RPRD1B: variants seen among roughly 807,000 people sequenced by gnomAD.
RPRD1B encodes the protein regulation of nuclear pre-mRNA domain containing 1B.
Under a neutral mutation model 41.5 loss-of-function variants are expected in RPRD1B, and 11 were observed. The observed-to-expected ratio is 0.27, with a 90% CI of 0.17 to 0.44. The LOEUF (loss-of-function observed/expected upper bound fraction) is 0.44, where lower values mean the gene tolerates loss of function less well. Ranked by LOEUF, RPRD1B falls within the 20% of genes least tolerant of loss-of-function variation. The pLI, the probability that RPRD1B is intolerant of heterozygous loss-of-function variation, is 1.00. For synonymous variants in RPRD1B, 158 were observed against 155.6 expected, an observed-to-expected ratio of 1.02 and a Z score of -0.12; for missense variants, 248 against 389.9, an observed-to-expected ratio of 0.64 and a Z score of 3.06.
At chr20:38,075,852 A>G (rs55882542) in intron 6 of RPRD1B, among the ~76,000 whole-genome samples, 6,977 of 152,336 alleles carry the variant, frequency 0.046, 215 homozygotes, top group Non-Finnish European at 0.066. Flanking sequence ...GCCAGCTGTC[A>G]TGATGGCTGT....
At chr20:38,053,048 C>A (rs1453588289) in intron 3 of RPRD1B, among the ~76,000 whole-genome samples, 2 of 151,920 alleles carry the variant, frequency 1.3e-5, no homozygotes, top group African/African-American at 4.8e-5. Context: ...AGAAGGTGCC[C>A]AGTATGAGGA....
chr20:38,084,004 C>T (rs1372788617), intron 6 of RPRD1B: 1 of 152,052 alleles, frequency 6.6e-6, no homozygotes, highest in Non-Finnish European at 1.5e-5. Flanking sequence ...TATTTTCAAT[C>T]CAAATATTCA....
chr20:38,057,467 G>A (rs1442557011), intron 3 of RPRD1B, 65 bp from the exon 4 acceptor site: 3 of 1,100,410 alleles, frequency 2.7e-6, no homozygotes, highest in African/African-American at 1.5e-5. Context: ...GGCCCATTGT[G>A]CATAGCATGT....
chr20:38,087,512 G>A (rs2074573160), intron 6 of RPRD1B, among the ~76,000 whole-genome samples: 1 of 152,178 alleles, frequency 6.6e-6, no homozygotes, highest in Admixed American at 6.5e-5. Context: ...GTTCTGAGTC[G>A]AGGTGGCTTT....
intron 2 of RPRD1B, among the ~76,000 whole-genome samples, chr20:38,044,412 C>T (rs1362563774): frequency 3.1e-5 from 4 of 130,076 alleles, no homozygotes; most frequent in Middle Eastern, 0.011. Context: ...CTCACTCTGT[C>T]GCCCAGGCTG....
In RPRD1B at chr20:38,089,921, G is replaced by C. The variant is rs1254311316; in HGVS notation, c.*46G>C. 2 of 1,600,354 alleles carry C rather than the reference G, an allele frequency of 1.2e-6. No homozygotes were observed. Among genetic ancestry groups the C allele is most frequent in the Non-Finnish European group, 1.7e-6 (2 of 1,173,218 alleles). ...TTTCTGTTTGTACCAGCAGAAAGAAGAGGGCAAGTCATGGTTGGAAATAAC... is the reference window on the plus strand; with the variant it reads ...TTTCTGTTTGTACCAGCAGAAAGAACAGGGCAAGTCATGGTTGGAAATAAC... On this transcript the variant is annotated 3_prime_UTR_variant, in exon 7 of 7. Coordinates refer to ENST00000373433, the MANE Select transcript of RPRD1B (RefSeq NM_021215.4).
At chr20:38,056,636 G>A (rs1192919482) in intron 3 of RPRD1B, among the ~76,000 whole-genome samples, 1 of 152,174 alleles carries the variant, frequency 6.6e-6, no homozygotes, top group African/African-American at 2.4e-5. Flanking sequence ...AAGAGGACAG[G>A]TTTTGGAGTC....
At chr20:38,062,777 G>A (rs765569844) in intron 5 of RPRD1B, among the ~76,000 whole-genome samples, 10 of 142,776 alleles carry the variant, frequency 7.0e-5, no homozygotes, top group Admixed American at 2.8e-4. Flanking sequence ...CATGTCTCCC[G>A]CTCCACATAA....
intron 3 of RPRD1B, among the ~76,000 whole-genome samples, chr20:38,055,590 A>G (rs2074231991): frequency 6.6e-6 from 1 of 152,124 alleles, no homozygotes; most frequent in African/African-American, 2.4e-5. Flanking sequence ...CAGTGGCAGC[A>G]TCCTGCAGCG....
In RPRD1B at chr20:38,034,221, T is replaced by A. The variant is rs752370282; in HGVS notation, c.151+123T>A. The A allele has an allele frequency of 5.2e-4, 586 of 1,122,654 alleles. 2 individuals carry two copies. Among genetic ancestry groups the A allele is most frequent in the Middle Eastern group, 1.7e-3 (8 of 4,768 alleles). The allele number at this position is 1,122,654 out of a possible 1,614,324, so 69.5% of individuals were successfully genotyped here. On this transcript the variant is annotated intron_variant, in intron 1 of 6. Coordinates refer to ENST00000373433, the MANE Select transcript of RPRD1B (RefSeq NM_021215.4). ...TCCAGGCCTGATCGAGCTTCTGAGA[T>A]GGGAGACAAAGTTAGCCCCATTTCT...
At chr20:38,067,661 T>C (rs2074370879) in intron 6 of RPRD1B, among the ~76,000 whole-genome samples, 1 of 152,178 alleles carries the variant, frequency 6.6e-6, no homozygotes, top group Non-Finnish European at 1.5e-5. Context: ...CCTGCTTGAA[T>C]GTGGAAGATG....
At chr20:38,070,448 T>C (rs1329028709) in intron 6 of RPRD1B, 18 of 985,418 alleles carry the variant, frequency 1.8e-5, no homozygotes, top group Non-Finnish European at 2.0e-5. Context: ...AGGCCAAAGA[T>C]ACCAGAAAAG....
Position 38,048,360 on chromosome 20 carries a change from A to C in RPRD1B, c.294A>C (p.Glu98Asp), listed in dbSNP as rs778997790. Residue 98 changes from glutamate (E) to aspartate (D), a missense_variant, in exon 3 of 7, where the codon GAA becomes GAC. Glu to Asp is a conservative substitution (Grantham distance 45). Transcript: ENST00000373433. The stretch of plus-strand genomic sequence containing the variant: ...CTTTTCTGGGCAGAGAGGCAGATGA[A>C]GGCTGTAAAAAACCTTTAGAAAGAT... ...AFSHVAREAD[E>D]GCKKPLERLL... 1 of 1,613,394 alleles carries C rather than the reference A, an allele frequency of 6.2e-7. No individual in the cohort carries two copies. Among genetic ancestry groups the C allele is most frequent in the Non-Finnish European group, 8.5e-7 (1 of 1,179,458 alleles).
intron 5 of RPRD1B, 90 bp from the exon 6 acceptor site, chr20:38,065,991 G>A: frequency 3.1e-6 from 4 of 1,301,108 alleles, no homozygotes; most frequent in African/African-American, 1.5e-5. Flanking sequence ...TATATTGGGA[G>A]AGAAACCGTT....
rs917826918 is a variant in RPRD1B at position 38,090,755 on chromosome 20, CTG to C, written c.*885_*886del. 28 of 985,406 alleles carry C rather than the reference CTG, an allele frequency of 2.8e-5. No individual in the cohort carries two copies. The highest frequency in any genetic ancestry group is 3.3e-5 in the Non-Finnish European group (27 of 829,990). 61.0% of individuals were successfully genotyped at this position (985,406 alleles called of 1,614,324 possible). ...CACACAGGTGTGCTGCATTTGGGATCTGTGTGGGTGTTTCTTGGACCCTTTCT... is the reference window on the plus strand; with the variant it reads ...CACACAGGTGTGCTGCATTTGGGATCTGTGGGTGTTTCTTGGACCCTTTCT... On this transcript the variant is annotated 3_prime_UTR_variant, in exon 7 of 7. Transcript: ENST00000373433.
chr20:38,090,821 C>G lies in RPRD1B; in HGVS notation c.*946C>G. 1.0e-6 allele frequency: 1 copy of G among 985,460 alleles called. No homozygotes were observed. Among genetic ancestry groups the G allele is most frequent in the Middle Eastern group, 5.2e-4 (1 of 1,916 alleles). The allele number at this position is 985,460 out of a possible 1,614,324, so 61.0% of individuals were successfully genotyped here. On this transcript the variant is annotated 3_prime_UTR_variant, in exon 7 of 7. Coordinates refer to ENST00000373433, the MANE Select transcript of RPRD1B (RefSeq NM_021215.4). ...TACACACTAACGTTTAATCCGCTGT[C>G]TGGGTGCATGTCCACAGTACGGTGG...
At chr20:38,049,192 G>A (rs1326146653) in intron 3 of RPRD1B, among the ~76,000 whole-genome samples, 1 of 151,604 alleles carries the variant, frequency 6.6e-6, no homozygotes, top group Admixed American at 6.6e-5. Flanking sequence ...CAAGTGATCT[G>A]CCCGCCTCGG....
intron 2 of RPRD1B, among the ~76,000 whole-genome samples, chr20:38,046,497 C>T (rs2074122780): frequency 2.0e-5 from 3 of 152,090 alleles, no homozygotes; most frequent in South Asian, 2.1e-4. Context: ...AAATGGAAAG[C>T]GTGTAAACAA....
intron 1 of RPRD1B, among the ~76,000 whole-genome samples, chr20:38,035,734 G>T (rs1220602928): frequency 2.0e-5 from 3 of 151,840 alleles, no homozygotes; most frequent in Non-Finnish European, 4.4e-5. Context: ...ACCTCAAGAG[G>T]CAGTTAAAGT....
Sources: gnomAD v4.1 joint callset for allele counts (sites outside exome capture counted in the v4.1 genomes callset) on GRCh38, gnomAD v4.1.1 for gene constraint, MANE v1.5 for transcripts, NCBI Gene and HGNC (gene_info 2026-07-23, HGNC 2026-07-21) for gene names.